The following CCDC178 variants were observed in gnomAD, a reference collection of about 807,000 sequenced individuals.
CCDC178 encodes coiled-coil domain containing 178.
A neutral mutation model predicts 117.4 loss-of-function variants in CCDC178; 126 were observed. The observed-to-expected ratio is 1.07, with a 90% CI of 0.93 to 1.24. CCDC178 has a LOEUF of 1.24. Among genes scored for constraint, CCDC178 ranks in the 50% most tolerant of loss-of-function variants. The pLI is 0.00. For missense variants in CCDC178, 1,030 were observed against 986.9 expected, an observed-to-expected ratio of 1.04 and a Z score of -0.59; for synonymous variants, 283 against 313.4, an observed-to-expected ratio of 0.90 and a Z score of 1.02.
At chr18:32,940,802 C>T (rs2054221466) in intron 22 of CCDC178, among the ~76,000 whole-genome samples, 1 of 152,018 alleles carries the variant, frequency 6.6e-6, no homozygotes, top group Non-Finnish European at 1.5e-5. Flanking sequence ...TCCAGGTAGT[C>T]CCCCTTATGC....
At chr18:32,954,674 G>A (rs1368613422) in intron 22 of CCDC178, 1 of 152,106 alleles carries the variant, frequency 6.6e-6, no homozygotes, top group African/African-American at 2.4e-5. Flanking sequence ...GGGAGGTAGT[G>A]ATGGAAATGA....
At chr18:33,086,712 C>T (rs1310865590) in intron 21 of CCDC178, among the ~76,000 whole-genome samples, 1 of 151,920 alleles carries the variant, frequency 6.6e-6, no homozygotes, top group Admixed American at 6.6e-5. Flanking sequence ...TACACATACG[C>T]ATGCACATTA....
chr18:33,171,675 G>C (rs535569979), intron 20 of CCDC178, among the ~76,000 whole-genome samples: 1 of 152,166 alleles, frequency 6.6e-6, no homozygotes, highest in Non-Finnish European at 1.5e-5. Flanking sequence ...GCTATGCTGG[G>C]GTAACAGTTG....
At chr18:32,972,666 A>C (rs946124025) in intron 22 of CCDC178, among the ~76,000 whole-genome samples, 2 of 152,088 alleles carry the variant, frequency 1.3e-5, no homozygotes, top group African/African-American at 2.4e-5. Flanking sequence ...GTTTCACAGC[A>C]AGTTTCTTAA....
intron 2 of CCDC178, among the ~76,000 whole-genome samples, chr18:33,434,331 G>A (rs1252054795): frequency 2.0e-5 from 3 of 152,034 alleles, no homozygotes; most frequent in Non-Finnish European, 2.9e-5. Context: ...AAGAAATTAC[G>A]CCAACAGTTT....
chr18:33,345,560 C>A (rs181144105), intron 9 of CCDC178, among the ~76,000 whole-genome samples: 99 of 152,268 alleles, frequency 6.5e-4, no homozygotes, highest in African/African-American at 2.4e-3. Context: ...AAAACTCTTT[C>A]AATTTTCCTA....
intron 20 of CCDC178, among the ~76,000 whole-genome samples, chr18:33,171,047 T>C (rs1244254425): frequency 6.6e-6 from 1 of 152,232 alleles, no homozygotes; most frequent in Non-Finnish European, 1.5e-5. Flanking sequence ...GAATCTGTTT[T>C]TGCTTTTTTT....
intron 2 of CCDC178, among the ~76,000 whole-genome samples, chr18:33,430,692 T>G (rs1193919363): frequency 6.6e-6 from 1 of 152,190 alleles, no homozygotes; most frequent in Non-Finnish European, 1.5e-5. Flanking sequence ...AGATCTTTGT[T>G]TTGTTAAACC....
At chr18:33,093,278 G>T (rs574734066) in intron 20 of CCDC178, among the ~76,000 whole-genome samples, 1 of 152,050 alleles carries the variant, frequency 6.6e-6, no homozygotes. Flanking sequence ...ACAGTTTCCT[G>T]TCCTCTTATA....
intron 21 of CCDC178, among the ~76,000 whole-genome samples, chr18:33,062,031 T>C (rs1266219164): frequency 6.6e-6 from 1 of 152,160 alleles, no homozygotes; most frequent in East Asian, 1.9e-4. Flanking sequence ...TGCTATGAAA[T>C]AGGTGAGGAA....
At chr18:33,320,284 G>A (rs2062487629) in intron 11 of CCDC178, among the ~76,000 whole-genome samples, 1 of 152,152 alleles carries the variant, frequency 6.6e-6, no homozygotes, top group African/African-American at 2.4e-5. Context: ...ATTCAATTAG[G>A]AAAAGAGGAA....
At chr18:33,274,603 C>T (rs9950722) in intron 12 of CCDC178, among the ~76,000 whole-genome samples, 10,463 of 152,004 alleles carry the variant, frequency 0.069, 558 homozygotes, top group African/African-American at 0.14. Context: ...GACTCTACTA[C>T]ATAAAGGACC....
At chr18:33,344,703 G>C (rs2144672220) in intron 9 of CCDC178, among the ~76,000 whole-genome samples, 1 of 151,870 alleles carries the variant, frequency 6.6e-6, no homozygotes, top group African/African-American at 2.4e-5. Context: ...AATTGTGCAT[G>C]ACTCCTGTTG....
chr18:33,149,913 A>C (rs1489881551), intron 20 of CCDC178, among the ~76,000 whole-genome samples: 1 of 152,290 alleles, frequency 6.6e-6, no homozygotes, highest in East Asian at 1.9e-4. Context: ...ATGGAACCAA[A>C]ACATAGCCTA....
At chr18:33,175,999 A>C (rs2058660051) in intron 20 of CCDC178, among the ~76,000 whole-genome samples, 1 of 151,954 alleles carries the variant, frequency 6.6e-6, no homozygotes, top group Admixed American at 6.6e-5. Context: ...CATCTCCACC[A>C]GGACACCTAT....
chr18:33,308,800 A>G (rs1036975249), intron 11 of CCDC178, among the ~76,000 whole-genome samples: 5 of 152,176 alleles, frequency 3.3e-5, no homozygotes, highest in Non-Finnish European at 7.3e-5. Context: ...CCCTTCATTC[A>G]GCTCTCATAC....
chr18:33,399,989 G>T (rs1012905449), intron 3 of CCDC178, among the ~76,000 whole-genome samples: 6 of 152,074 alleles, frequency 3.9e-5, no homozygotes, highest in Admixed American at 1.3e-4. Context: ...TCCACAGGCT[G>T]CAGGATGGAT....
chr18:33,094,633 T>C (rs1243532111), intron 20 of CCDC178, among the ~76,000 whole-genome samples: 1 of 151,964 alleles, frequency 6.6e-6, no homozygotes. Context: ...ACCAATTTAA[T>C]GGAACTTAAT....
At chr18:32,961,447 A>G in intron 22 of CCDC178, among the ~76,000 whole-genome samples, 1 of 152,084 alleles carries the variant, frequency 6.6e-6, no homozygotes, top group East Asian at 1.9e-4. Flanking sequence ...ATACTCTTCC[A>G]TCTTTAAAAC....
Sources: gnomAD v4.1 joint callset for allele counts (sites outside exome capture counted in the v4.1 genomes callset) on GRCh38, gnomAD v4.1.1 for gene constraint, MANE v1.5 for transcripts, NCBI Gene and HGNC (gene_info 2026-07-23, HGNC 2026-07-21) for gene names.